The following TENM3 variants were observed in gnomAD, a reference collection of about 807,000 sequenced individuals.
TENM3 encodes teneurin transmembrane protein 3.
Under a neutral mutation model 255.1 loss-of-function variants are expected in TENM3, and 63 were observed. The observed-to-expected ratio is 0.25, with a 90% CI of 0.20 to 0.30. The LOEUF is 0.30. Ranked by LOEUF, TENM3 falls within the 10% of genes least tolerant of loss-of-function variation. TENM3 has a pLI of 1.00. For missense variants in TENM3, 2,929 were observed against 3,461.1 expected, an observed-to-expected ratio of 0.85 and a Z score of 3.86; for synonymous variants, 1,306 against 1,322.3, an observed-to-expected ratio of 0.99 and a Z score of 0.27.
chr4:182,264,603 G>A (rs577002803), intron 1 of TENM3, among the ~76,000 whole-genome samples: 5 of 152,306 alleles, frequency 3.3e-5, no homozygotes, highest in African/African-American at 7.2e-5. Context: ...TCCCAGTGGC[G>A]GTCCAGGTTC....
intron 3 of TENM3, among the ~76,000 whole-genome samples, chr4:182,585,024 T>C (rs369172138): frequency 2.6e-5 from 4 of 152,334 alleles, no homozygotes; most frequent in African/African-American, 9.6e-5. Flanking sequence ...CTTATGGATA[T>C]ACTAACATGT....
chr4:182,509,754 A>G (rs1184549753), intron 3 of TENM3, among the ~76,000 whole-genome samples: 1 of 152,048 alleles, frequency 6.6e-6, no homozygotes, highest in Non-Finnish European at 1.5e-5. Context: ...CCTGACCAAC[A>G]TAGAGAAACC....
chr4:181,574,929 A>C, the TENM3 span, among the ~76,000 whole-genome samples: 3 of 152,344 alleles, frequency 2.0e-5, no homozygotes, highest in African/African-American at 4.8e-5. Context: ...TTTCTAAAGA[A>C]GTCTACATCA....
intron 4 of TENM3, among the ~76,000 whole-genome samples, chr4:182,618,490 C>A (rs1749753537): frequency 1.3e-5 from 2 of 151,576 alleles, no homozygotes; most frequent in African/African-American, 4.8e-5. Context: ...TTTAAATTTC[C>A]TTGATAATCT....
intron 1 of TENM3, among the ~76,000 whole-genome samples, chr4:182,262,799 C>G (rs556067612): frequency 6.6e-6 from 1 of 150,662 alleles, no homozygotes; most frequent in East Asian, 2.0e-4. Context: ...CTCCAAGCTC[C>G]GCCTCCCGGG....
the TENM3 span, among the ~76,000 whole-genome samples, chr4:181,930,923 T>G: frequency 6.6e-6 from 1 of 152,214 alleles, no homozygotes; most frequent in African/African-American, 2.4e-5. Context: ...ACCACATGAT[T>G]ATCTCAATAG....
chr4:182,726,369 G>A (rs1209243556), intron 13 of TENM3, among the ~76,000 whole-genome samples: 2 of 133,556 alleles, frequency 1.5e-5, no homozygotes, highest in South Asian at 2.7e-4. Flanking sequence ...GAGGTCAAGC[G>A]CAGCTTATGT....
intron 3 of TENM3, among the ~76,000 whole-genome samples, chr4:182,544,116 A>C (rs1741175914): frequency 6.6e-6 from 1 of 152,180 alleles, no homozygotes; most frequent in Non-Finnish European, 1.5e-5. Context: ...TTTATAGTTC[A>C]ATAAGTTTAT....
chr4:182,267,369 C>G (rs1264660861), intron 1 of TENM3, among the ~76,000 whole-genome samples: 1 of 152,112 alleles, frequency 6.6e-6, no homozygotes, highest in Non-Finnish European at 1.5e-5. Flanking sequence ...TCTTTTGTAA[C>G]AGGACACAAT....
chr4:182,185,410 T>A (rs1055271735), intron 1 of TENM3, among the ~76,000 whole-genome samples: 3 of 152,226 alleles, frequency 2.0e-5, no homozygotes, highest in Non-Finnish European at 4.4e-5. Flanking sequence ...TAGACTATAT[T>A]GGGAATCTGA....
chr4:182,444,962 C>G (rs1336856440), intron 3 of TENM3, among the ~76,000 whole-genome samples: 1 of 152,126 alleles, frequency 6.6e-6, no homozygotes, highest in Non-Finnish European at 1.5e-5. Context: ...GGGATGCCAA[C>G]ACACCCGGCT....
chr4:182,687,441 C>A (rs112292031), intron 11 of TENM3, among the ~76,000 whole-genome samples: 18 of 152,096 alleles, frequency 1.2e-4, no homozygotes, highest in African/African-American at 4.3e-4. Context: ...CATTTGAATT[C>A]ATTTGGTCAC....
At chr4:182,273,789 G>A (rs962709547) in intron 1 of TENM3, among the ~76,000 whole-genome samples, 1 of 152,196 alleles carries the variant, frequency 6.6e-6, no homozygotes, top group East Asian at 1.9e-4. Flanking sequence ...TTGACAAAGG[G>A]ACGTGTAAAT....
At chr4:182,173,857 A>G (rs780818609) in intron 1 of TENM3, among the ~76,000 whole-genome samples, 1 of 152,160 alleles carries the variant, frequency 6.6e-6, no homozygotes, top group Non-Finnish European at 1.5e-5. Flanking sequence ...AAATGTTGAG[A>G]CCAATTTTTC....
At chr4:181,511,525 AG>A in the TENM3 span, among the ~76,000 whole-genome samples, 1 of 152,192 alleles carries the variant, frequency 6.6e-6, no homozygotes, top group African/African-American at 2.4e-5. Flanking sequence ...TTGGGTTCAC[AG>A]GCTGCCCTCT....
At chr4:182,342,806 G>A (rs1764570657) in intron 2 of TENM3, among the ~76,000 whole-genome samples, 1 of 152,114 alleles carries the variant, frequency 6.6e-6, no homozygotes, top group Admixed American at 6.5e-5. Context: ...AGTCCCTCGG[G>A]TAGAATCTGT....
At chr4:181,965,779 A>G in the TENM3 span, among the ~76,000 whole-genome samples, 1 of 152,110 alleles carries the variant, frequency 6.6e-6, no homozygotes, top group South Asian at 2.1e-4. Flanking sequence ...TTATCTGTTG[A>G]TGAGATTCAG....
intron 3 of TENM3, among the ~76,000 whole-genome samples, chr4:182,560,714 A>G (rs1049224114): frequency 6.6e-6 from 1 of 152,346 alleles, no homozygotes; most frequent in African/African-American, 2.4e-5. Flanking sequence ...CACCACGTCT[A>G]TAGCAGCAGT....
At chr4:182,539,118 T>A (rs551451483) in intron 3 of TENM3, among the ~76,000 whole-genome samples, 1 of 151,136 alleles carries the variant, frequency 6.6e-6, no homozygotes, top group African/African-American at 2.4e-5. Context: ...CCTGAGTGAT[T>A]CTGTATTTCA....
Sources: gnomAD v4.1 joint callset for allele counts (sites outside exome capture counted in the v4.1 genomes callset) on GRCh38, gnomAD v4.1.1 for gene constraint, MANE v1.5 for transcripts, NCBI Gene and HGNC (gene_info 2026-07-23, HGNC 2026-07-21) for gene names.